The following VEGFD variants were observed in gnomAD, a reference collection of about 807,000 sequenced individuals.
VEGFD encodes vascular endothelial growth factor D, also known as c-fos induced growth factor (vascular endothelial growth factor D).
VEGFD carries 26 observed loss-of-function variants against 28.0 expected under a neutral mutation model. The observed-to-expected ratio is 0.93, with a 90% CI of 0.68 to 1.29. VEGFD has a LOEUF of 1.29. Ranked by LOEUF, VEGFD falls within the 50% of genes most tolerant of loss-of-function variation. The pLI, the probability that VEGFD is intolerant of heterozygous loss-of-function variation, is 0.00. For synonymous variants in VEGFD, 93 were observed against 95.5 expected, an observed-to-expected ratio of 0.97 and a Z score of 0.15; for missense variants, 294 against 273.4, an observed-to-expected ratio of 1.08 and a Z score of -0.53.
intron 1 of VEGFD, among the ~76,000 whole-genome samples, chrX:15,373,973 G>A (rs1249539599): frequency 9.0e-6 from 1 of 111,214 alleles, no homozygotes; most frequent in Non-Finnish European, 1.9e-5. Flanking sequence ...AGTTAGATTG[G>A]TGAGTCTGAG....
chrX:15,372,991 T>C (rs1406982286), intron 1 of VEGFD, among the ~76,000 whole-genome samples: 2 of 111,761 alleles, frequency 1.8e-5, no homozygotes, highest in African/African-American at 6.5e-5. Flanking sequence ...GGCTGCCTTA[T>C]ATGATGCCAT....
intron 4 of VEGFD, among the ~76,000 whole-genome samples, chrX:15,353,523 T>C (rs1169582216): frequency 8.9e-6 from 1 of 112,175 alleles, no homozygotes; most frequent in African/African-American, 3.2e-5. Flanking sequence ...GCAGATCACC[T>C]GAGGTCGGGA....
intron 1 of VEGFD, among the ~76,000 whole-genome samples, chrX:15,368,027 AAAGGAAAG>A (rs1350249738): frequency 8.4e-5 from 7 of 83,060 alleles, no homozygotes; most frequent in Admixed American, 3.8e-4. Flanking sequence ...AGAAAGAAAG[AAAGGAAAG>A]AAGAAAGAAA....
At position 15,356,317 on chromosome X, in the gene VEGFD, C is replaced by T. The variant is rs185587371; in HGVS notation, c.493-1019G>A. Among the ~76,000 whole-genome samples the T allele has an allele frequency of 8.9e-5, 10 of 111,915 alleles. No individual in the cohort carries two copies. The East Asian group carries it at 2.8e-3, about 31-fold the overall frequency. On this transcript the variant is annotated intron_variant, in intron 3 of 6. Coordinates refer to ENST00000297904, the MANE Select transcript of VEGFD (RefSeq NM_004469.5). ...TGTAGTCCTTACTACATAGAGTATT[C>T]ATTTGTTCACTTTGTTTCTAAGAGG...
At chrX:15,346,673 C>A (rs1469226199) in intron 6 of VEGFD, among the ~76,000 whole-genome samples, 1 of 112,082 alleles carries the variant, frequency 8.9e-6, no homozygotes, top group Non-Finnish European at 1.9e-5. Context: ...GTGGCTCATG[C>A]CTGTAATCCC....
intron 5 of VEGFD, among the ~76,000 whole-genome samples, chrX:15,349,256 C>T (rs1922627867): frequency 8.9e-6 from 1 of 112,694 alleles, no homozygotes; most frequent in African/African-American, 3.2e-5. Flanking sequence ...ATACTTCAGA[C>T]AGGCCCAAGG....
At chrX:15,369,932 A>C (rs1204760186) in intron 1 of VEGFD, among the ~76,000 whole-genome samples, 1 of 112,308 alleles carries the variant, frequency 8.9e-6, no homozygotes, top group Non-Finnish European at 1.9e-5. Context: ...ACAATGGAAT[A>C]TTATTGGACA....
intron 5 of VEGFD, among the ~76,000 whole-genome samples, chrX:15,352,000 G>A (rs368750619): frequency 4.5e-5 from 5 of 112,269 alleles, no homozygotes; most frequent in African/African-American, 1.6e-4. Flanking sequence ...TGCCTCACTG[G>A]ATGGCGAGTC....
chrX:15,365,015 C>T (rs749148269), intron 1 of VEGFD, among the ~76,000 whole-genome samples: 130 of 112,237 alleles, frequency 1.2e-3, no homozygotes, highest in Non-Finnish European at 1.7e-3. Context: ...TATGATATAA[C>T]CTCTTTTAAA....
chrX:15,360,275 A>C (rs761931151), intron 2 of VEGFD, among the ~76,000 whole-genome samples: 1 of 110,242 alleles, frequency 9.1e-6, no homozygotes, highest in African/African-American at 3.3e-5. Flanking sequence ...ATTATACTAC[A>C]CAGTCTACCT....
intron 4 of VEGFD, among the ~76,000 whole-genome samples, chrX:15,353,931 C>T (rs1226866375): frequency 1.8e-5 from 2 of 110,523 alleles, no homozygotes; most frequent in African/African-American, 6.6e-5. Context: ...AGTTTATTTA[C>T]GAAAATTAAA....
intron 1 of VEGFD, among the ~76,000 whole-genome samples, chrX:15,374,786 C>CTTT (rs558207454): frequency 0.01 from 1,011 of 98,177 alleles, 13 homozygotes; most frequent in African/African-American, 0.035. Context: ...TTTTTCTTTT[C>CTTT]TTTTTTTTTT....
chrX:15,360,374 CTG>C (rs1296760910), intron 2 of VEGFD, among the ~76,000 whole-genome samples: 1 of 102,833 alleles, frequency 9.7e-6, no homozygotes, highest in East Asian at 3.0e-4. Flanking sequence ...GGGTCTCACT[CTG>C]TTGCCAGGCT....
At chrX:15,368,342 T>C (rs947042377) in intron 1 of VEGFD, among the ~76,000 whole-genome samples, 28 of 112,397 alleles carry the variant, frequency 2.5e-4, no homozygotes, top group Non-Finnish European at 9.4e-5. Context: ...TCATACAACT[T>C]GCCTCATCAT....
chrX:15,376,421 T>C (rs1475373430), intron 1 of VEGFD, among the ~76,000 whole-genome samples: 2 of 112,204 alleles, frequency 1.8e-5, no homozygotes, highest in Non-Finnish European at 3.8e-5. Context: ...AAGGTAGTGA[T>C]GTTTTAAGCC....
intron 2 of VEGFD, among the ~76,000 whole-genome samples, chrX:15,358,607 G>A (rs949505716): frequency 1.3e-4 from 14 of 111,994 alleles, no homozygotes; most frequent in African/African-American, 4.5e-4. Context: ...GGTGTAGGTA[G>A]GTTTTAGCAT....
In VEGFD at chrX:15,353,672, G is replaced by A. The variant is rs372466193; in HGVS notation, c.642-504C>T. On this transcript the variant is annotated intron_variant, in intron 4 of 6. Coordinates refer to ENST00000297904, the MANE Select transcript of VEGFD (RefSeq NM_004469.5). ...GGAGAATCACTTGAACCTGGGAGGC[G>A]GAGGTTGCAGTGAGCCGAGATCTCG... Among the ~76,000 whole-genome samples the A allele has an allele frequency of 3.3e-4, 36 of 110,247 alleles. 1 individual carries two copies. The highest frequency in any genetic ancestry group is 1.2e-3 in the African/African-American group (36 of 30,286).
chrX:15,362,382 T>TA (rs1223573850), intron 2 of VEGFD, among the ~76,000 whole-genome samples: 41 of 104,705 alleles, frequency 3.9e-4, no homozygotes, highest in African/African-American at 6.9e-4. Flanking sequence ...TTTGCAGAAA[T>TA]AAAAAAAAAA....
intron 1 of VEGFD, among the ~76,000 whole-genome samples, chrX:15,372,383 T>C (rs971660072): frequency 9.0e-6 from 1 of 111,370 alleles, no homozygotes; most frequent in Non-Finnish European, 1.9e-5. Context: ...TTATATACAA[T>C]TTACAATACA....
Sources: gnomAD v4.1 joint callset for allele counts (sites outside exome capture counted in the v4.1 genomes callset) on GRCh38, gnomAD v4.1.1 for gene constraint, MANE v1.5 for transcripts, NCBI Gene and HGNC (gene_info 2026-07-23, HGNC 2026-07-21) for gene names.